The following FADD variants were observed in gnomAD, a reference collection of about 807,000 sequenced individuals.
FADD encodes Fas associated via death domain.
In FADD, 3 loss-of-function variants were observed where a neutral mutation model predicts 5.8. The observed-to-expected ratio is 0.52, with a 90% CI of 0.24 to 1.34. The LOEUF is 1.34. FADD is among the 40% of genes most tolerant of loss of function. The pLI is 0.17. For synonymous variants in FADD, 138 were observed against 130.8 expected, an observed-to-expected ratio of 1.06 and a Z score of -0.38; for missense variants, 249 against 286.7, an observed-to-expected ratio of 0.87 and a Z score of 0.95.
rs984758009 is a variant in FADD, at chr11:70,203,432, G to T, written c.-28G>T. ...CAGAGGGCGCACGGAGGGCCGGGCC[G>T]CAGCCCCGGCCGCTTGCAGACCCCG... On this transcript the variant is annotated 5_prime_UTR_variant, in exon 1 of 2. Transcript: ENST00000301838. 6.4e-6 allele frequency: 10 copies of T among 1,554,148 alleles called. No homozygotes were observed. In the Admixed American group the frequency reaches 9.7e-5, roughly 15 times the overall value.
rs1406260814 is a variant in FADD at position 70,207,039 on chromosome 11, T to TGGGGTG, written c.*576_*581dup. 2.4e-5 allele frequency: 3 copies of TGGGGTG among 123,536 alleles called. No individual in the cohort carries two copies. Among genetic ancestry groups the TGGGGTG allele is most frequent in the Non-Finnish European group, 5.2e-5 (3 of 57,382 alleles). The allele number at this position is 123,536 out of a possible 1,614,324, so 7.7% of individuals were successfully genotyped here. A position where few individuals can be genotyped will look rare whatever the true frequency, so the allele number is the denominator to read the frequency against. On this transcript the variant is annotated 3_prime_UTR_variant, in exon 2 of 2. Coordinates refer to ENST00000301838, the MANE Select transcript of FADD (RefSeq NM_003824.4). ...GTGCTGTGGTGGGGAGAGGCATGGC[T>TGGGGTG]GGGGTGGGGGTGGGGAGACCTGGTT...
rs767722548 is a variant in FADD at position 70,206,428 on chromosome 11, C to T, written c.582C>T (p.Ser194=). 4 of 1,613,988 alleles carry T rather than the reference C, an allele frequency of 2.5e-6. No individual in the cohort carries two copies. In the African/African-American group the frequency reaches 4.0e-5, roughly 16 times the overall value. The part of the protein sequence containing the change: ...RDLQNRSGAM[S]PMSWNSDAST... ...TCCAGAACAGGAGTGGGGCCATGTC[C>T]CCGATGTCATGGAACTCAGACGCAT... The change falls in exon 2 of 2, where the codon TCC becomes TCT. Residue 194 remains serine, a synonymous_variant. Coordinates refer to ENST00000301838, the MANE Select transcript of FADD (RefSeq NM_003824.4).
intron 1 of FADD, among the ~76,000 whole-genome samples, chr11:70,204,023 A>G (rs749126575): frequency 6.6e-5 from 10 of 151,878 alleles, no homozygotes; most frequent in Non-Finnish European, 1.3e-4. Context: ...GAGTCAGAGA[A>G]GGTGTGGGGG....
At chr11:70,206,094 C>T in intron 1 of FADD, 39 bp from the exon 2 acceptor site, 1 of 1,580,048 alleles carries the variant, frequency 6.3e-7, no homozygotes, top group South Asian at 1.1e-5. Context: ...TCGCTTGTCT[C>T]CAAACCTATG....
At position 70,206,346 on chromosome 11, in the gene FADD, C is replaced by T; in HGVS notation, c.500C>T (p.Ser167Phe). Residue 167 changes from serine (S) to phenylalanine (F), a missense_variant, in exon 2 of 2, where the codon TCC (serine) becomes TTC (phenylalanine). By Grantham distance (155) the Ser-to-Phe change is radical (BLOSUM62 -2). Coordinates refer to ENST00000301838, the MANE Select transcript of FADD (RefSeq NM_003824.4). ...TVAHLVGALR[S>F]CQMNLVADLV... is the part of the protein sequence containing the mutation. ...GCCCACCTGGTGGGGGCTCTCAGGT[C>T]CTGCCAGATGAACCTGGTGGCTGAC... 3.7e-6 allele frequency: 6 copies of T among 1,614,194 alleles called. No individual in the cohort carries two copies. The highest frequency in any genetic ancestry group is 1.1e-5 in the South Asian group (1 of 91,080).
At position 70,207,235 on chromosome 11, in the gene FADD, A is replaced by G. The variant is rs1190604855; in HGVS notation, c.*762A>G. On this transcript the variant is annotated 3_prime_UTR_variant, in exon 2 of 2. Coordinates refer to ENST00000301838, the MANE Select transcript of FADD (RefSeq NM_003824.4). The stretch of plus-strand genomic sequence containing the variant: ...TCCTTGTGAGGATTATGGGTCCTGC[A>G]ATTCTACAGTTTCTTACTGTTTTGT... 1 of 152,212 alleles carries G rather than the reference A, an allele frequency of 6.6e-6. No individual in the cohort carries two copies. Among genetic ancestry groups the G allele is most frequent in the East Asian group, 1.9e-4 (1 of 5,202 alleles). 9.4% of individuals were successfully genotyped at this position (152,212 alleles called of 1,614,324 possible). A position where few individuals can be genotyped will look rare whatever the true frequency, so the allele number is the denominator to read the frequency against.
chr11:70,205,101 T>C (rs2049449405), intron 1 of FADD, among the ~76,000 whole-genome samples: 1 of 152,148 alleles, frequency 6.6e-6, no homozygotes. Flanking sequence ...ATCTGTACAG[T>C]CATGGTAACA....
In FADD at chr11:70,203,734, C is replaced by T; in HGVS notation, c.275C>T (p.Pro92Leu). Reference sequence around the variant, plus strand: ...GCGGGGGCGGCGGCCGGGGCCGCGCCTGGGGAAGAAGGTGGGCGCGGGGCC... The same window carrying T: ...GCGGGGGCGGCGGCCGGGGCCGCGCTTGGGGAAGAAGGTGGGCGCGGGGCC... ...FEAGAAAGAA[P>L]GEEDLCAAFN... The change falls in exon 1 of 2, where the codon CCT (proline) becomes CTT (leucine). Residue 92 changes from proline to leucine, a missense_variant. Transcript: ENST00000301838. The T allele has an allele frequency of 7.2e-7, 1 of 1,380,236 alleles. No homozygotes were observed. 85.5% of individuals were successfully genotyped at this position (1,380,236 alleles called of 1,614,324 possible).
Position 70,206,931 on chromosome 11 carries a change from G to A in FADD, c.*458G>A. 1 of 199,486 alleles carries A rather than the reference G, an allele frequency of 5.0e-6. No homozygotes were observed. The highest frequency in any genetic ancestry group is 8.2e-5 in the South Asian group (1 of 12,240). 12.4% of individuals were successfully genotyped at this position (199,486 alleles called of 1,614,324 possible). On this transcript the variant is annotated 3_prime_UTR_variant, in exon 2 of 2. Coordinates refer to ENST00000301838, the MANE Select transcript of FADD (RefSeq NM_003824.4). ...TGCTCAACCACTGTGGCGTTCTGCT[G>A]CCCCTGCAGTTGGCAGAAAGGATGT...
chr11:70,206,598 A>T lies in FADD; in HGVS notation c.*125A>T. Reference sequence around the variant, plus strand: ...AGCCAGGCTGAGTGAGCCACAGACCACCTGCTTCTGAACTCAAGCTGCGTT... The same window carrying T: ...AGCCAGGCTGAGTGAGCCACAGACCTCCTGCTTCTGAACTCAAGCTGCGTT... On this transcript the variant is annotated 3_prime_UTR_variant, in exon 2 of 2. Coordinates refer to ENST00000301838, the MANE Select transcript of FADD (RefSeq NM_003824.4). The T allele has an allele frequency of 1.2e-6, 1 of 856,684 alleles. No homozygotes were observed. 53.1% of individuals were successfully genotyped at this position (856,684 alleles called of 1,614,324 possible). A position where few individuals can be genotyped will look rare whatever the true frequency, so the allele number is the denominator to read the frequency against.
Position 70,203,468 on chromosome 11 carries a change from G to T in FADD, c.9G>T (p.Pro3=), listed in dbSNP as rs201376917. The change falls in exon 1 of 2, where the codon CCG becomes CCT. Residue 3 remains proline (P), a synonymous_variant. Coordinates refer to ENST00000301838, the MANE Select transcript of FADD (RefSeq NM_003824.4). ...CGCTTGCAGACCCCGCCATGGACCC[G>T]TTCCTGGTGCTGCTGCACTCGGTGT... is the stretch of plus-strand genomic sequence containing the variant. The part of the protein sequence containing the change: MD[P]FLVLLHSVSS... 7.9e-4 allele frequency: 1,242 copies of T among 1,581,698 alleles called. 7 individuals are homozygous for T. Among genetic ancestry groups the T allele is most frequent in the South Asian group, 1.8e-3 (156 of 87,770 alleles).
At chr11:70,204,005 G>A (rs914430194) in intron 1 of FADD, among the ~76,000 whole-genome samples, 1 of 152,238 alleles carries the variant, frequency 6.6e-6, no homozygotes, top group African/African-American at 2.4e-5. Flanking sequence ...ACTCACTGAA[G>A]AAAAGATGAG....
rs1307396739 is a variant in FADD at position 70,203,340 on chromosome 11, T to G, written c.-120T>G. ...AGTGAATCAGGCACCGGAGTGCAGG[T>G]TCGGGGGTGGAATCCTTGGGCCGCT... On this transcript the variant is annotated 5_prime_UTR_variant, in exon 1 of 2. Coordinates refer to ENST00000301838, the MANE Select transcript of FADD (RefSeq NM_003824.4). 3 of 1,505,786 alleles carry G rather than the reference T, an allele frequency of 2.0e-6. No individual in the cohort carries two copies. Among genetic ancestry groups the G allele is most frequent in the Non-Finnish European group, 2.7e-6 (3 of 1,129,066 alleles). 93.3% of individuals were successfully genotyped at this position (1,505,786 alleles called of 1,614,324 possible). A position where few individuals can be genotyped will look rare whatever the true frequency, so the allele number is the denominator to read the frequency against.
intron 1 of FADD, 44 bp from the exon 2 acceptor site, chr11:70,206,089 T>C: frequency 6.4e-7 from 1 of 1,556,600 alleles, no homozygotes; most frequent in Non-Finnish European, 8.8e-7. Flanking sequence ...TGGGGTCGCT[T>C]GTCTCCAAAC....
chr11:70,203,310 C>G lies in FADD; in HGVS notation c.-150C>G. ...GTCGAAAACGCGCTCTTGTCGATTT[C>G]CTGTAGTGAATCAGGCACCGGAGTG... is the stretch of plus-strand genomic sequence containing the variant. On this transcript the variant is annotated 5_prime_UTR_variant, in exon 1 of 2. Coordinates refer to ENST00000301838, the MANE Select transcript of FADD (RefSeq NM_003824.4). The G allele has an allele frequency of 7.1e-7, 1 of 1,402,636 alleles. No homozygotes were observed. The highest frequency in any genetic ancestry group is 2.6e-5 in the East Asian group (1 of 37,932). The allele number at this position is 1,402,636 out of a possible 1,614,324, so 86.9% of individuals were successfully genotyped here.
chr11:70,206,221 G>A lies in FADD; in HGVS notation c.375G>A (p.Lys125=), dbSNP rs1349837892. Residue 125 remains lysine, a synonymous_variant, in exon 2 of 2, where the codon AAG becomes AAA. Coordinates refer to ENST00000301838, the MANE Select transcript of FADD (RefSeq NM_003824.4). ...LARQLKVSDT[K]IDSIEDRYPR... ...GTCAGCTCAAAGTCTCAGACACCAAGATCGACAGCATCGAGGACAGATACC... is the reference window on the plus strand; with the variant it reads ...GTCAGCTCAAAGTCTCAGACACCAAAATCGACAGCATCGAGGACAGATACC... The A allele has an allele frequency of 6.2e-7, 1 of 1,614,172 alleles. No homozygotes were observed. Among genetic ancestry groups the A allele is most frequent in the African/African-American group, 1.3e-5 (1 of 75,052 alleles).
intron 1 of FADD, among the ~76,000 whole-genome samples, chr11:70,204,802 T>C (rs1436230662): frequency 2.0e-5 from 3 of 152,212 alleles, no homozygotes; most frequent in Non-Finnish European, 4.4e-5. Context: ...ATAAATTGCA[T>C]TTTAAAGGCG....
Position 70,206,509 on chromosome 11 carries a change from C to G in FADD, c.*36C>G. On this transcript the variant is annotated 3_prime_UTR_variant, in exon 2 of 2. Transcript: ENST00000301838. ...CTTTGCGCTGGTGGACCACAGGCAT[C>G]TACACAGCCTGGACTTTGGTTCTCT... 3 of 1,588,934 alleles carry G rather than the reference C, an allele frequency of 1.9e-6. No homozygotes were observed. The South Asian group carries it at 3.3e-5, about 18-fold the overall frequency.
chr11:70,206,729 C>G lies in FADD; in HGVS notation c.*256C>G, dbSNP rs887300352. ...AGATCTTGTCTCCACTAAATGAGCT[C>G]CTGCGGGAGTAGTTGGAAAGTTGGA... On this transcript the variant is annotated 3_prime_UTR_variant, in exon 2 of 2. Transcript: ENST00000301838. 1 of 518,514 alleles carries G rather than the reference C, an allele frequency of 1.9e-6. No individual in the cohort carries two copies. The highest frequency in any genetic ancestry group is 1.9e-5 in the African/African-American group (1 of 52,180). The allele number at this position is 518,514 out of a possible 1,614,324, so 32.1% of individuals were successfully genotyped here.
Sources: gnomAD v4.1 joint callset for allele counts (sites outside exome capture counted in the v4.1 genomes callset) on GRCh38, gnomAD v4.1.1 for gene constraint, MANE v1.5 for transcripts, NCBI Gene and HGNC (gene_info 2026-07-23, HGNC 2026-07-21) for gene names.